Variants in CSMD1 observed in about 807,000 individuals in gnomAD.
CSMD1 encodes the protein CUB and sushi domain-containing protein 1.
In CSMD1, 213 loss-of-function variants were observed where a neutral mutation model predicts 417.5. That is an observed-to-expected ratio of 0.51 (90% CI 0.46 to 0.57). The LOEUF (loss-of-function observed/expected upper bound fraction) is 0.57. Ranked by LOEUF, CSMD1 falls within the 20% of genes least tolerant of loss-of-function variation. CSMD1 has a pLI of 0.00. For missense variants in CSMD1, 6,923 were observed against 4,529.7 expected, an observed-to-expected ratio of 1.53 and a Z score of -15.17; for synonymous variants, 2,862 against 1,736.8, an observed-to-expected ratio of 1.65 and a Z score of -16.11.
At position 2,988,875 on chromosome 8, in the gene CSMD1, G is replaced by A. The variant is rs545180897; in HGVS notation, c.8377+9136C>T. Among the ~76,000 whole-genome samples, 176 of 152,254 alleles carry A rather than the reference G, an allele frequency of 1.2e-3. 1 individual carries two copies. The highest frequency in any genetic ancestry group is 4.1e-3 in the African/African-American group (171 of 41,540). ...ATAAGCAGGCTACCCAGGGTGAGGTGGATGTTGTAGAAATCTGTGTCTAAT... is the reference window on the plus strand; with the variant it reads ...ATAAGCAGGCTACCCAGGGTGAGGTAGATGTTGTAGAAATCTGTGTCTAAT... On this transcript the variant is annotated intron_variant, in intron 54 of 69. Transcript: ENST00000635120.
intron 5 of CSMD1, among the ~76,000 whole-genome samples, chr8:3,937,638 C>T (rs1324871217): frequency 6.6e-6 from 1 of 152,130 alleles, no homozygotes; most frequent in Non-Finnish European, 1.5e-5. Flanking sequence ...TTCTTGCAGT[C>T]ATCTGAAGCC....
chr8:4,395,583 A>T (rs1019216276), intron 3 of CSMD1, among the ~76,000 whole-genome samples: 4 of 151,888 alleles, frequency 2.6e-5, no homozygotes, highest in African/African-American at 9.7e-5. Context: ...GGCCAAGAGG[A>T]GGATAGATTT....
At chr8:3,064,873 A>C (rs778095944) in intron 49 of CSMD1, among the ~76,000 whole-genome samples, 1 of 151,662 alleles carries the variant, frequency 6.6e-6, no homozygotes, top group Non-Finnish European at 1.5e-5. Flanking sequence ...TAGTTTCAGA[A>C]TCAAGGACCA....
At chr8:4,978,884 G>C (rs1051390369) in intron 1 of CSMD1, among the ~76,000 whole-genome samples, 26 of 152,208 alleles carry the variant, frequency 1.7e-4, no homozygotes, top group African/African-American at 6.3e-4. Context: ...GTTGCAGTGA[G>C]CTGAGATTGT....
At chr8:4,601,459 G>C (rs1800577147) in intron 2 of CSMD1, among the ~76,000 whole-genome samples, 1 of 152,104 alleles carries the variant, frequency 6.6e-6, no homozygotes, top group Non-Finnish European at 1.5e-5. Context: ...ATCTGTTCCT[G>C]AATGTTAAGT....
intron 3 of CSMD1, among the ~76,000 whole-genome samples, chr8:4,128,931 C>T (rs1475995052): frequency 6.6e-6 from 1 of 151,944 alleles, no homozygotes; most frequent in Non-Finnish European, 1.5e-5. Flanking sequence ...CCTGTTTTAG[C>T]CGGGCATGGT....
rs556277173 is a variant in CSMD1, at chr8:4,759,077, G to C, written c.86-121519C>G. Among the ~76,000 whole-genome samples the C allele has an allele frequency of 7.9e-5, 12 of 152,320 alleles. No individual in the cohort carries two copies. In the East Asian group the frequency reaches 2.1e-3, roughly 27 times the overall value. On this transcript the variant is annotated intron_variant, in intron 1 of 69. Coordinates refer to ENST00000635120, the MANE Select transcript of CSMD1 (RefSeq NM_033225.6). Reference sequence around the variant, plus strand: ...GAAAAGTTATTAAGATATGCTCTGGGAGCAATATCTGTTAAAGAGTGAGGG... The same window carrying C: ...GAAAAGTTATTAAGATATGCTCTGGCAGCAATATCTGTTAAAGAGTGAGGG...
chr8:4,959,431 A>G (rs777663473), intron 1 of CSMD1, among the ~76,000 whole-genome samples: 5 of 152,240 alleles, frequency 3.3e-5, no homozygotes, highest in Non-Finnish European at 7.3e-5. Context: ...GAGGAAAGCA[A>G]CTAGTTGGGT....
chr8:4,086,689 T>G (rs1440084714), intron 3 of CSMD1, among the ~76,000 whole-genome samples: 1 of 152,242 alleles, frequency 6.6e-6, no homozygotes, highest in African/African-American at 2.4e-5. Flanking sequence ...TTAAGCAACC[T>G]GAACTTCTTC....
At chr8:3,289,407 C>A (rs1287840023) in intron 25 of CSMD1, among the ~76,000 whole-genome samples, 17 of 147,372 alleles carry the variant, frequency 1.2e-4, no homozygotes, top group Non-Finnish European at 2.5e-4. Context: ...GCCACACTGA[C>A]TTCACAATGG....
intron 3 of CSMD1, among the ~76,000 whole-genome samples, chr8:4,057,320 A>C (rs1282644029): frequency 1.3e-5 from 2 of 152,172 alleles, no homozygotes; most frequent in Admixed American, 6.5e-5. Context: ...TTTTGGCTGC[A>C]TAAATGTCTT....
intron 22 of CSMD1, among the ~76,000 whole-genome samples, chr8:3,344,566 G>T (rs947718018): frequency 3.3e-5 from 5 of 152,168 alleles, no homozygotes; most frequent in Non-Finnish European, 5.9e-5. Context: ...CTAGCAGGGG[G>T]CTGTAAAAAT....
At chr8:4,713,199 A>G (rs899267483) in intron 1 of CSMD1, among the ~76,000 whole-genome samples, 3 of 152,200 alleles carry the variant, frequency 2.0e-5, no homozygotes, top group Non-Finnish European at 2.9e-5. Flanking sequence ...ATCAACCATT[A>G]ACACTTTAGA....
intron 2 of CSMD1, among the ~76,000 whole-genome samples, chr8:4,593,967 T>C (rs933391862): frequency 6.6e-6 from 1 of 152,076 alleles, no homozygotes; most frequent in Non-Finnish European, 1.5e-5. Context: ...CTCCAAACCC[T>C]GCCTGTGGAG....
At chr8:4,720,282 A>G (rs1320695002) in intron 1 of CSMD1, among the ~76,000 whole-genome samples, 1 of 152,156 alleles carries the variant, frequency 6.6e-6, no homozygotes, top group East Asian at 1.9e-4. Flanking sequence ...TTTTCCAAAT[A>G]TCACAGAAAG....
At position 3,574,952 on chromosome 8, in the gene CSMD1, G is replaced by A. The variant is rs1485581476; in HGVS notation, c.1337C>T (p.Pro446Leu). Residue 446 changes from proline to leucine, a missense_variant, in exon 10 of 70, where the codon CCG (proline) becomes CTG (leucine). By Grantham distance (98) the Pro-to-Leu change is moderately conservative. Coordinates refer to ENST00000635120, the MANE Select transcript of CSMD1 (RefSeq NM_033225.6). ...HCVWVITTTD[P>L]DKVIKLAFEE... ...TTGGAGGCGGAGCCTTACCTTGTCC[G>A]GGTCGGTGGTGGTGATGACCCACAC... is the stretch of plus-strand genomic sequence containing the variant. The A allele has an allele frequency of 4.3e-6, 7 of 1,612,182 alleles. No individual in the cohort carries two copies. Among genetic ancestry groups the A allele is most frequent in the South Asian group, 2.2e-5 (2 of 90,948 alleles).
rs147320354 is a variant in CSMD1, at chr8:3,935,508, G to T, written c.818+62395C>A. Among the ~76,000 whole-genome samples the T allele has an allele frequency of 7.8e-4, 118 of 152,236 alleles. No homozygotes were observed. The East Asian group carries it at 0.014, about 18-fold the overall frequency. On this transcript the variant is annotated intron_variant, in intron 5 of 69. Coordinates refer to ENST00000635120, the MANE Select transcript of CSMD1 (RefSeq NM_033225.6). ...CCAATTGCATCTACTCGTTTTTGGT[G>T]TCTGTGCCACATTTTGGTAACTTTC...
intron 12 of CSMD1, among the ~76,000 whole-genome samples, chr8:3,414,391 C>T (rs1248322985): frequency 6.6e-6 from 1 of 152,058 alleles, no homozygotes; most frequent in Admixed American, 6.6e-5. Context: ...CCCCAAAATA[C>T]ATCACACAGA....
intron 37 of CSMD1, among the ~76,000 whole-genome samples, chr8:3,173,485 T>A (rs1820710899): frequency 6.6e-6 from 1 of 152,152 alleles, no homozygotes; most frequent in East Asian, 1.9e-4. Flanking sequence ...GGCCAAACTG[T>A]GAAGTTGAAG....
Sources: allele counts gnomAD v4.1 joint callset (sites outside exome capture counted in the v4.1 genomes callset), GRCh38; gene constraint gnomAD v4.1.1; transcripts MANE v1.5; gene names NCBI Gene and HGNC (gene_info 2026-07-23, HGNC 2026-07-21).